Variants in PEX5 observed in about 807,000 individuals in gnomAD.
PEX5 encodes the protein PTS1 receptor.
In PEX5, 52 loss-of-function variants were observed where a neutral mutation model predicts 82.9. That is an observed-to-expected ratio of 0.63 (90% CI 0.50 to 0.79). PEX5 has a LOEUF of 0.79. Among genes scored for constraint, PEX5 ranks in the 30% least tolerant of loss-of-function variants. The pLI is 0.00. For missense variants in PEX5, 719 were observed against 815.2 expected, an observed-to-expected ratio of 0.88 and a Z score of 1.44; for synonymous variants, 300 against 318.8, an observed-to-expected ratio of 0.94 and a Z score of 0.63.
intron 10 of PEX5, among the ~76,000 whole-genome samples, 152 bp from the exon 11 acceptor site, chr12:7,207,496 TTGTGTCATACA>T (rs955912266): frequency 1.3e-5 from 2 of 152,180 alleles, no homozygotes; most frequent in Non-Finnish European, 2.9e-5. Flanking sequence ...ATGATTTTAC[TTGTGTCATACA>T]TGATCTTTAT....
At chr12:7,200,514 G>A (rs1208781710) in intron 6 of PEX5, among the ~76,000 whole-genome samples, 37 of 152,098 alleles carry the variant, frequency 2.4e-4, no homozygotes, top group Non-Finnish European at 5.0e-4. Flanking sequence ...CTGCAATCTC[G>A]GCACTTTGGG....
Position 7,196,545 on chromosome 12 carries a change from GTAA to G in PEX5, c.449-2461_449-2459del, listed in dbSNP as rs1420649090. On this transcript the variant is annotated intron_variant, in intron 5 of 15. Coordinates refer to ENST00000675855, the MANE Select transcript of PEX5 (RefSeq NM_001351132.2). Reference sequence around the variant, plus strand: ...AATAATTATATATGTCACATATAATGTAATAATTATATATGTCACATATAATGT... The same window carrying G: ...AATAATTATATATGTCACATATAATGTAATTATATATGTCACATATAATGT... 7.6e-4 allele frequency among the ~76,000 whole-genome samples: 48 copies of G among 63,126 alleles called. 1 individual carries two copies. Among genetic ancestry groups the G allele is most frequent in the East Asian group, 1.1e-3 (2 of 1,872 alleles). 41.4% of individuals were successfully genotyped at this position (63,126 alleles called of 152,430 possible).
At chr12:7,207,476 C>T (rs910810855) in intron 10 of PEX5, among the ~76,000 whole-genome samples, 183 bp from the exon 11 acceptor site, 3 of 152,160 alleles carry the variant, frequency 2.0e-5, no homozygotes, top group African/African-American at 7.2e-5. Flanking sequence ...GAGCACAAAC[C>T]TGATACCAAA....
At chr12:7,202,504 T>C in intron 8 of PEX5, 108 bp from the exon 9 acceptor site, 1 of 1,384,350 alleles carries the variant, frequency 7.2e-7, no homozygotes, top group Non-Finnish European at 1.0e-6. Context: ...ATTCTGAGAA[T>C]GATTTTCTCA....
At position 7,207,781 on chromosome 12, in the gene PEX5, G is replaced by A; in HGVS notation, c.1089G>A (p.Gln363=). 1 of 1,614,148 alleles carries A rather than the reference G, an allele frequency of 6.2e-7. No individual in the cohort carries two copies. The highest frequency in any genetic ancestry group is 1.1e-5 in the South Asian group (1 of 91,080). The change falls in exon 11 of 16, where the codon CAG becomes CAA. Residue 363 remains glutamine, a synonymous_variant. Transcript: ENST00000675855. ...NAVLLFEAAV[Q]QDPKHMEAWQ... is the part of the protein sequence containing the mutation. ...TGCTGCTTTTTGAGGCAGCTGTGCA[G>A]CAGGATCCTAAGCACATGGAAGTGA... is the stretch of plus-strand genomic sequence containing the variant.
At chr12:7,199,846 T>C (rs1253089788) in intron 6 of PEX5, among the ~76,000 whole-genome samples, 1 of 117,862 alleles carries the variant, frequency 8.5e-6, no homozygotes, top group African/African-American at 3.2e-5. Flanking sequence ...GACCCCCACC[T>C]CCCTCCCGGA....
chr12:7,194,830 G>T (rs1010814554), intron 5 of PEX5, among the ~76,000 whole-genome samples: 11 of 152,224 alleles, frequency 7.2e-5, no homozygotes, highest in African/African-American at 1.9e-4. Flanking sequence ...CTGGATGTTG[G>T]AGGAGAGGCT....
rs750294059 is a variant in PEX5 at position 7,209,025 on chromosome 12, A to G, written c.1415A>G (p.Lys472Arg). The G allele has an allele frequency of 6.2e-7, 1 of 1,614,140 alleles. No individual in the cohort carries two copies. Among genetic ancestry groups the G allele is most frequent in the South Asian group, 1.1e-5 (1 of 91,076 alleles). Residue 472 changes from lysine to arginine, a missense_variant, in exon 14 of 16, where the codon AAA becomes AGA. Physicochemically the swap from Lys to Arg is conservative, Grantham distance 26 (BLOSUM62 2). Coordinates refer to ENST00000675855, the MANE Select transcript of PEX5 (RefSeq NM_001351132.2). ...TCCAGCTCCCTGTTTCTTGAAGTGA[A>G]AGAGCTCTTCCTGGCAGCTGTGCGG... is the stretch of plus-strand genomic sequence containing the variant. ...LLSDSLFLEV[K>R]ELFLAAVRLD...
Position 7,199,012 on chromosome 12 carries a change from C to G in PEX5, c.450C>G (p.Asp150Glu). The change falls in exon 6 of 16, where the codon GAC becomes GAG. Residue 150 changes from aspartate (D) to glutamate (E), a missense_variant and splice_region_variant. Asp to Glu is a conservative substitution (Grantham distance 45, BLOSUM62 2). Coordinates refer to ENST00000675855, the MANE Select transcript of PEX5 (RefSeq NM_001351132.2). ...TCCCCACTTCTCTGCTCCTTGCAGACCCCTTGTCTGTGTCCCCTGCCCGCT... is the reference window on the plus strand; with the variant it reads ...TCCCCACTTCTCTGCTCCTTGCAGAGCCCTTGTCTGTGTCCCCTGCCCGCT... ...WSQEFISEVT[D>E]PLSVSPARWA... 1 of 1,584,096 alleles carries G rather than the reference C, an allele frequency of 6.3e-7. No homozygotes were observed. The highest frequency in any genetic ancestry group is 1.1e-5 in the South Asian group (1 of 88,842).
chr12:7,201,871 A>C (rs775089250), intron 7 of PEX5, 30 bp downstream of exon 7: 8 of 1,518,510 alleles, frequency 5.3e-6, no homozygotes, highest in Non-Finnish European at 7.3e-6. Flanking sequence ...TGCTTTGCCC[A>C]GCAGAGCTGG....
chr12:7,190,113 G>C (rs1029107424), intron 1 of PEX5: 9 of 1,485,604 alleles, frequency 6.1e-6, no homozygotes, highest in Non-Finnish European at 8.0e-6. Context: ...CCAGCCCATG[G>C]GACCGTAGTC....
intron 9 of PEX5, among the ~76,000 whole-genome samples, chr12:7,203,158 CAA>C (rs1292714480): frequency 1.9e-5 from 1 of 52,280 alleles, no homozygotes; most frequent in African/African-American, 5.3e-5. Flanking sequence ...AACTCTGTCT[CAA>C]ACAAAAAACT....
chr12:7,214,104 A>C (rs1419693911), downstream of PEX5, among the ~76,000 whole-genome samples: 2 of 152,156 alleles, frequency 1.3e-5, no homozygotes, highest in African/African-American at 4.8e-5. Flanking sequence ...GAGAAATAGG[A>C]ACACTTTTAC....
chr12:7,216,718 CTT>C (rs1345522838), intron 17 of PEX5, among the ~76,000 whole-genome samples: 1 of 152,072 alleles, frequency 6.6e-6, no homozygotes, highest in Non-Finnish European at 1.5e-5. Context: ...AGACCCAAAA[CTT>C]TTTGTATTAT....
chr12:7,197,314 CAT>C lies in PEX5; in HGVS notation c.449-1694_449-1693del, dbSNP rs151027698. ...TTATATATGTCATATATAATGTAAT[CAT>C]ATGTCATATACAATGTAATAATTAT... On this transcript the variant is annotated intron_variant, in intron 5 of 15. Transcript: ENST00000675855. 1.6e-3 allele frequency among the ~76,000 whole-genome samples: 57 copies of C among 36,404 alleles called. 8 individuals are homozygous for C. The highest frequency in any genetic ancestry group is 3.4e-3 in the African/African-American group (34 of 9,874). 23.9% of individuals were successfully genotyped at this position (36,404 alleles called of 152,430 possible). A position where few individuals can be genotyped will look rare whatever the true frequency, so the allele number is the denominator to read the frequency against.
In PEX5 at chr12:7,200,691, C is replaced by A. The variant is rs753433180; in HGVS notation, c.552-1060C>A. Among the ~76,000 whole-genome samples, 34 of 152,264 alleles carry A rather than the reference C, an allele frequency of 2.2e-4. No homozygotes were observed. The East Asian group carries it at 4.4e-3, about 20-fold the overall frequency. On this transcript the variant is annotated intron_variant, in intron 6 of 15. Coordinates refer to ENST00000675855, the MANE Select transcript of PEX5 (RefSeq NM_001351132.2). ...TCACTCGCGGTTAGGAGCTGGAGAC[C>A]AGCCCGGCCAACACAGCGAAACCCC...
chr12:7,200,909 G>GAGAGACCGT (rs1943811374), intron 6 of PEX5, among the ~76,000 whole-genome samples: 1 of 109,734 alleles, frequency 9.1e-6, no homozygotes, highest in African/African-American at 5.4e-5. Flanking sequence ...ACCGTAGGGA[G>GAGAGACCGT]AGGGAGAGGG....
At chr12:7,189,774 CCCGGGGCCGCGTCCCT>C in intron 1 of PEX5, 24 bp downstream of exon 1, 1 of 433,664 alleles carries the variant, frequency 2.3e-6, no homozygotes, top group Non-Finnish European at 3.4e-6. Flanking sequence ...CCCGAGGGGG[CCCGGGGCCGCGTCCCT>C]GGGCCCTCCC....
At chr12:7,190,141 G>A in intron 1 of PEX5, 1 of 1,485,620 alleles carries the variant, frequency 6.7e-7, no homozygotes, top group African/African-American at 1.4e-5. Flanking sequence ...CCTCTGCAGA[G>A]GCGCAGGCTG....
Sources: allele counts gnomAD v4.1 joint callset (sites outside exome capture counted in the v4.1 genomes callset), GRCh38; gene constraint gnomAD v4.1.1; transcripts MANE v1.5; gene names NCBI Gene and HGNC (gene_info 2026-07-23, HGNC 2026-07-21).